The following SMIM36 variants were observed in gnomAD, a reference collection of about 807,000 sequenced individuals.
SMIM36 encodes small integral membrane protein 36.
At chr17:55,502,325 T>A (rs1910007347) in intron 1 of SMIM36, among the ~76,000 whole-genome samples, 1 of 124,972 alleles carries the variant, frequency 8.0e-6, no homozygotes, top group Non-Finnish European at 1.7e-5. Flanking sequence ...AATGTCCCTG[T>A]CTGACAGCTT....
intron 1 of SMIM36, among the ~76,000 whole-genome samples, chr17:55,504,270 AC>A (rs2144720593): frequency 1.3e-5 from 1 of 75,204 alleles, no homozygotes; most frequent in Non-Finnish European, 2.2e-5. Context: ...AACAGAATAT[AC>A]ATTTTTTTCA....
chr17:55,488,671 C>A (rs1396042767), intron 1 of SMIM36, among the ~76,000 whole-genome samples: 1 of 152,134 alleles, frequency 6.6e-6, no homozygotes, highest in Non-Finnish European at 1.5e-5. Context: ...AAACTATTTT[C>A]ATTTTTGAAC....
exon 1 of SMIM36, chr17:55,511,296 G>A (rs1714496438): frequency 2.5e-6 from 1 of 398,542 alleles, no homozygotes; most frequent in South Asian, 1.3e-4. Context: ...GGATGATCAG[G>A]TTCAAGGTAA....
chr17:55,494,451 T>C (rs907831064), intron 1 of SMIM36, among the ~76,000 whole-genome samples: 12 of 152,156 alleles, frequency 7.9e-5, no homozygotes, highest in Non-Finnish European at 1.8e-4. Context: ...TTCCCATCCC[T>C]ACCAATCTAG....
the SMIM36 span, among the ~76,000 whole-genome samples, chr17:55,521,331 T>C: frequency 3.3e-5 from 5 of 152,222 alleles, no homozygotes; most frequent in African/African-American, 1.2e-4. Context: ...TTACAAAAAA[T>C]AATTGCATCA....
intron 4 of SMIM36, among the ~76,000 whole-genome samples, chr17:55,460,633 A>G (rs924127281): frequency 1.9e-4 from 29 of 152,064 alleles, no homozygotes; most frequent in Non-Finnish European, 3.7e-4. Context: ...CGAGGCGGGC[A>G]GATCACGAGG....
chr17:55,460,019 T>G (rs770826980), intron 4 of SMIM36, among the ~76,000 whole-genome samples: 5 of 151,742 alleles, frequency 3.3e-5, no homozygotes, highest in Non-Finnish European at 7.4e-5. Flanking sequence ...ATAAAAATAT[T>G]TATTGAACAA....
chr17:55,466,776 T>C (rs1301896712), intron 4 of SMIM36, among the ~76,000 whole-genome samples: 1 of 152,202 alleles, frequency 6.6e-6, no homozygotes, highest in African/African-American at 2.4e-5. Context: ...CCACAGTTCA[T>C]GGACTTGGTG....
At chr17:55,468,213 G>A (rs934291473) in intron 3 of SMIM36, 1 of 152,252 alleles carries the variant, frequency 6.6e-6, no homozygotes, top group African/African-American at 2.4e-5. Flanking sequence ...GGACTCCTTC[G>A]GGAGACCGGT....
At chr17:55,486,121 G>A (rs375450159) in intron 1 of SMIM36, among the ~76,000 whole-genome samples, 7 of 148,344 alleles carry the variant, frequency 4.7e-5, no homozygotes, top group African/African-American at 1.0e-4. Context: ...ATGCAACCTC[G>A]CCTCCCGGGT....
At chr17:55,518,417 A>G in the SMIM36 span, among the ~76,000 whole-genome samples, 1 of 152,246 alleles carries the variant, frequency 6.6e-6, no homozygotes, top group Non-Finnish European at 1.5e-5. Flanking sequence ...CACTATTCAA[A>G]CTATAGCACT....
At chr17:55,464,325 G>T (rs1909198272) in intron 4 of SMIM36, among the ~76,000 whole-genome samples, 1 of 152,064 alleles carries the variant, frequency 6.6e-6, no homozygotes, top group Non-Finnish European at 1.5e-5. Context: ...CTCGACCTAG[G>T]CCTTTCCTGA....
At chr17:55,531,210 C>CTTCCGCTGACCTCCCCACATG in the SMIM36 span, among the ~76,000 whole-genome samples, 2 of 152,168 alleles carry the variant, frequency 1.3e-5, no homozygotes, top group Non-Finnish European at 2.9e-5. Context: ...TTTCCCTTTT[C>CTTCCGCTGACCTCCCCACATG]TTCCGCTGAC....
chr17:55,480,643 A>G (rs1041685463), intron 1 of SMIM36, among the ~76,000 whole-genome samples: 35 of 152,292 alleles, frequency 2.3e-4, no homozygotes, highest in African/African-American at 8.2e-4. Context: ...TCTAATAATA[A>G]TGATCATATG....
intron 1 of SMIM36, among the ~76,000 whole-genome samples, chr17:55,501,887 C>G (rs1023810431): frequency 4.0e-5 from 4 of 100,362 alleles, no homozygotes; most frequent in East Asian, 2.8e-4. Flanking sequence ...GTGCGCGAGC[C>G]GAAGCAAGGC....
the SMIM36 span, among the ~76,000 whole-genome samples, chr17:55,524,166 A>G: frequency 1.3e-5 from 2 of 152,174 alleles, no homozygotes; most frequent in Admixed American, 6.5e-5. Context: ...AAGTGAGAAC[A>G]TGCATTATTT....
At chr17:55,485,215 A>G (rs904871540) in intron 1 of SMIM36, among the ~76,000 whole-genome samples, 2 of 152,166 alleles carry the variant, frequency 1.3e-5, no homozygotes, top group Non-Finnish European at 2.9e-5. Context: ...ACTGTCTACC[A>G]TTTTCTCTAT....
intron 1 of SMIM36, among the ~76,000 whole-genome samples, chr17:55,508,159 G>T (rs1430557487): frequency 6.6e-6 from 1 of 152,004 alleles, no homozygotes; most frequent in Non-Finnish European, 1.5e-5. Flanking sequence ...AATGAAAAGA[G>T]CAGAGTTGAG....
chr17:55,464,182 G>A (rs776566940), intron 4 of SMIM36, among the ~76,000 whole-genome samples: 8 of 152,146 alleles, frequency 5.3e-5, no homozygotes, highest in Non-Finnish European at 1.0e-4. Context: ...GTCCACCTAG[G>A]ATATTCTACT....
Sources: gnomAD v4.1 joint callset for allele counts (sites outside exome capture counted in the v4.1 genomes callset) on GRCh38, gnomAD v4.1.1 for gene constraint, MANE v1.5 for transcripts, NCBI Gene and HGNC (gene_info 2026-07-23, HGNC 2026-07-21) for gene names.